MEGF9: variants seen among roughly 807,000 people sequenced by gnomAD.
MEGF9 encodes the protein multiple EGF like domains 9.
In MEGF9, 6 loss-of-function variants were observed where a neutral mutation model predicts 46.8. The observed-to-expected ratio is 0.13, with a 90% CI of 0.07 to 0.25. The LOEUF (loss-of-function observed/expected upper bound fraction) is 0.25. Ranked by LOEUF, MEGF9 falls within the 10% of genes least tolerant of loss-of-function variation. MEGF9 has a pLI of 1.00. For synonymous variants in MEGF9, 302 were observed against 330.7 expected, an observed-to-expected ratio of 0.91 and a Z score of 0.94; for missense variants, 683 against 792.4, an observed-to-expected ratio of 0.86 and a Z score of 1.66.
intron 3 of MEGF9, among the ~76,000 whole-genome samples, chr9:120,616,646 C>T (rs917370655): frequency 1.4e-5 from 2 of 143,764 alleles, no homozygotes; most frequent in Non-Finnish European, 3.0e-5. Flanking sequence ...CCACTGCACT[C>T]CAGCCTGGGT....
chr9:120,701,349 T>C (rs2043904185), intron 1 of MEGF9, among the ~76,000 whole-genome samples: 1 of 152,212 alleles, frequency 6.6e-6, no homozygotes. Flanking sequence ...GACTCAGTTA[T>C]CTAAAGGGTC....
chr9:120,656,046 G>T (rs376919138), intron 2 of MEGF9, among the ~76,000 whole-genome samples: 4 of 152,152 alleles, frequency 2.6e-5, no homozygotes, highest in African/African-American at 9.7e-5. Context: ...GGACATTTGG[G>T]TGTTAAATAC....
At chr9:120,649,903 A>C (rs2043642372) in intron 2 of MEGF9, among the ~76,000 whole-genome samples, 1 of 152,226 alleles carries the variant, frequency 6.6e-6, no homozygotes. Context: ...TATCCAATAC[A>C]GAATTTCTTT....
chr9:120,678,169 A>G (rs2043781964), intron 1 of MEGF9, among the ~76,000 whole-genome samples: 1 of 152,246 alleles, frequency 6.6e-6, no homozygotes. Context: ...TATATGCACC[A>G]CATTTACTTT....
Position 120,622,674 on chromosome 9 carries a change from C to T in MEGF9, c.885G>A (p.Lys295=), listed in dbSNP as rs2043505603. The change falls in exon 3 of 6, where the codon AAG becomes AAA. Residue 295 remains lysine, a synonymous_variant. Coordinates refer to ENST00000373930, the MANE Select transcript of MEGF9 (RefSeq NM_001080497.3). ...RCQDGYYGFS[K]NGCLPCQCNN... ...TGCATTGGCAGGGCAAGCAGCCATT[C>T]TTACTAAAGCCATAATATCCATCTT... 1 of 1,613,672 alleles carries T rather than the reference C, an allele frequency of 6.2e-7. No homozygotes were observed. The highest frequency in any genetic ancestry group is 8.5e-7 in the Non-Finnish European group (1 of 1,179,822).
chr9:120,683,942 AAAAAT>A, intron 1 of MEGF9, among the ~76,000 whole-genome samples: 2 of 152,272 alleles, frequency 1.3e-5, no homozygotes, highest in South Asian at 4.1e-4. Context: ...AAAAAAATTT[AAAAAT>A]AAAATAAAAT....
In MEGF9 at chr9:120,701,913, G is replaced by A. The variant is rs575965749; in HGVS notation, c.601+11845C>T. Among the ~76,000 whole-genome samples, 645 of 151,986 alleles carry A rather than the reference G, an allele frequency of 4.2e-3. 5 individuals are homozygous for A. Among genetic ancestry groups the A allele is most frequent in the African/African-American group, 0.015 (609 of 41,440 alleles). On this transcript the variant is annotated intron_variant, in intron 1 of 5. Coordinates refer to ENST00000373930, the MANE Select transcript of MEGF9 (RefSeq NM_001080497.3). ...CAAAAATTAGCCAGGTGTGGTGGCCGGCGCCTGTAGTCCCAGCTACTTGGG... is the reference window on the plus strand; with the variant it reads ...CAAAAATTAGCCAGGTGTGGTGGCCAGCGCCTGTAGTCCCAGCTACTTGGG...
chr9:120,661,432 G>A (rs2043701249), intron 1 of MEGF9, among the ~76,000 whole-genome samples: 1 of 152,338 alleles, frequency 6.6e-6, no homozygotes, highest in Middle Eastern at 3.4e-3. Flanking sequence ...TGGGAGGATC[G>A]CTTGAGCCTG....
chr9:120,616,858 T>C (rs2043475193), intron 3 of MEGF9, among the ~76,000 whole-genome samples: 1 of 152,178 alleles, frequency 6.6e-6, no homozygotes, highest in South Asian at 2.1e-4. Context: ...ATGTGAGCAT[T>C]TCAAAGGGTG....
At chr9:120,708,410 T>C (rs2043938404) in intron 1 of MEGF9, among the ~76,000 whole-genome samples, 1 of 152,190 alleles carries the variant, frequency 6.6e-6, no homozygotes, top group African/African-American at 2.4e-5. Flanking sequence ...AAATAATCCA[T>C]CTGTAATATT....
intron 2 of MEGF9, among the ~76,000 whole-genome samples, chr9:120,623,606 T>C (rs905621064): frequency 5.3e-5 from 8 of 152,148 alleles, no homozygotes; most frequent in Non-Finnish European, 1.2e-4. Flanking sequence ...CTATCAAGCA[T>C]GAATCTATGA....
At chr9:120,674,139 A>G (rs997216054) in intron 1 of MEGF9, among the ~76,000 whole-genome samples, 3 of 151,668 alleles carry the variant, frequency 2.0e-5, no homozygotes, top group East Asian at 1.9e-4. Flanking sequence ...AGAAAAATGT[A>G]TAAGTTGGAC....
At chr9:120,677,590 T>A (rs973689300) in intron 1 of MEGF9, among the ~76,000 whole-genome samples, 3 of 152,224 alleles carry the variant, frequency 2.0e-5, no homozygotes, top group Non-Finnish European at 4.4e-5. Flanking sequence ...AACATACTGT[T>A]CAAAGCCAAA....
At chr9:120,708,953 TCAA>T (rs370477362) in intron 1 of MEGF9, among the ~76,000 whole-genome samples, 2 of 151,998 alleles carry the variant, frequency 1.3e-5, no homozygotes, top group African/African-American at 4.8e-5. Flanking sequence ...GCTCAATGAG[TCAA>T]CAACATAATG....
At chr9:120,641,311 A>G (rs2043601906) in intron 2 of MEGF9, among the ~76,000 whole-genome samples, 2 of 152,232 alleles carry the variant, frequency 1.3e-5, no homozygotes, top group Non-Finnish European at 2.9e-5. Context: ...AGGTTTGTTC[A>G]TTAAAGTAAG....
At chr9:120,618,743 C>CA (rs1482581446) in intron 3 of MEGF9, among the ~76,000 whole-genome samples, 16 of 151,772 alleles carry the variant, frequency 1.1e-4, no homozygotes, top group Admixed American at 2.6e-4. Flanking sequence ...ACTAAAAATA[C>CA]AAAAATTAGC....
intron 2 of MEGF9, among the ~76,000 whole-genome samples, chr9:120,634,220 G>A (rs1442511988): frequency 6.6e-6 from 1 of 151,902 alleles, no homozygotes; most frequent in African/African-American, 2.4e-5. Context: ...TTATTGTATT[G>A]GAGTCTAACT....
intron 3 of MEGF9, among the ~76,000 whole-genome samples, chr9:120,612,945 T>A (rs1223413389): frequency 8.1e-6 from 1 of 122,752 alleles, no homozygotes; most frequent in African/African-American, 2.9e-5. Context: ...TTTTTTTTTT[T>A]AGAGATGGGG....
intron 1 of MEGF9, among the ~76,000 whole-genome samples, chr9:120,702,945 G>T (rs148798192): frequency 9.5e-4 from 144 of 152,242 alleles, no homozygotes; most frequent in African/African-American, 3.3e-3. Flanking sequence ...ACTAATGAAA[G>T]AACTTAGGAT....
Sources: gnomAD v4.1 joint callset for allele counts (sites outside exome capture counted in the v4.1 genomes callset) on GRCh38, gnomAD v4.1.1 for gene constraint, MANE v1.5 for transcripts, NCBI Gene and HGNC (gene_info 2026-07-23, HGNC 2026-07-21) for gene names.